ABCA3: variants seen among roughly 807,000 people sequenced by gnomAD.
ABCA3 encodes the protein ATP binding cassette subfamily A member 3.
Under a neutral mutation model 172.8 loss-of-function variants are expected in ABCA3, and 88 were observed. That is an observed-to-expected ratio of 0.51 (90% CI 0.43 to 0.61). ABCA3 has a LOEUF of 0.61. Ranked by LOEUF, ABCA3 falls within the 20% of genes least tolerant of loss-of-function variation. The pLI, the probability that ABCA3 is intolerant of heterozygous loss-of-function variation, is 0.00. For missense variants in ABCA3, 2,164 were observed against 2,301.0 expected (o/e 0.94, Z 1.22); for synonymous variants, 1,066 against 983.8 (o/e 1.08, Z -1.56).
rs773143245 is a variant in ABCA3 at position 2,311,710 on chromosome 16, C to T, written c.1112-3087G>A. Among the ~76,000 whole-genome samples the T allele has an allele frequency of 4.7e-4, 71 of 152,108 alleles. 1 individual carries two copies. Among genetic ancestry groups the T allele is most frequent in the Non-Finnish European group, 3.2e-4 (22 of 68,034 alleles). On this transcript the variant is annotated intron_variant, in intron 10 of 32. Transcript: ENST00000301732. ...CTAATTTTTGTATTTTTAATAGAGA[C>T]GGGGTTTCACCATCTTGGCCAGGCT... is the stretch of plus-strand genomic sequence containing the variant.
chr16:2,304,350 T>G (rs2141715856), intron 11 of ABCA3, among the ~76,000 whole-genome samples, 200 bp from the exon 12 acceptor site: 1 of 152,188 alleles, frequency 6.6e-6, no homozygotes, highest in South Asian at 2.1e-4. Context: ...ACAAAATAAT[T>G]AAGTCACAGA....
chr16:2,299,285 G>A, intron 14 of ABCA3, 118 bp downstream of exon 14: 1 of 1,432,614 alleles, frequency 7.0e-7, no homozygotes, highest in South Asian at 1.2e-5. Context: ...TGCATCTCCT[G>A]CCGCTGTGGT....
In ABCA3 at chr16:2,297,462, C is replaced by A. The variant is rs1208300153; in HGVS notation, c.2130G>T (p.Gln710His). 6.2e-7 allele frequency: 1 copy of A among 1,613,756 alleles called. No homozygotes were observed. Among genetic ancestry groups the A allele is most frequent in the Non-Finnish European group, 8.5e-7 (1 of 1,180,046 alleles). Residue 710 changes from glutamine (Q) to histidine (H), a missense_variant, in exon 17 of 33, where the codon CAG (glutamine) becomes CAT (histidine). Transcript: ENST00000301732. The surrounding 1 kb of genome is among the most constrained non-coding windows in gnomAD (Gnocchi z 5.6). ...TCAGCACGATGGTGCGGTCACTTTTCTGCCGCTGAAGAAGATCCCAGATGG... is the reference window on the plus strand; with the variant it reads ...TCAGCACGATGGTGCGGTCACTTTTATGCCGCTGAAGAAGATCCCAGATGG... ...RRAIWDLLQR[Q>H]KSDRTIVLTT...
At position 2,278,288 on chromosome 16, in the gene ABCA3, C is replaced by A; in HGVS notation, c.4718G>T (p.Ser1573Ile). Residue 1573 changes from serine to isoleucine, a missense_variant and splice_region_variant, in exon 30 of 33, where the codon AGC (serine) becomes ATC (isoleucine). By Grantham distance (142) the Ser-to-Ile change is moderately radical (BLOSUM62 -2). This residue lies in a region of ABCA3 where 795 missense variants were observed against 881.9 expected (regional missense o/e 0.90). Coordinates refer to ENST00000301732, the MANE Select transcript of ABCA3 (RefSeq NM_001089.3). This position sits in a 1 kb window ranked among gnomAD's most constrained non-coding sequence, Gnocchi z 4.4. ...SGKAIIITSH[S>I]MEECEALCTR... Reference sequence around the variant, plus strand: ...AGTAACCCACAGACCCAGGCTCTACCTGTGGGAGGTGATGATGATGGCCTT... The same window carrying A: ...AGTAACCCACAGACCCAGGCTCTACATGTGGGAGGTGATGATGATGGCCTT... The A allele has an allele frequency of 6.2e-7, 1 of 1,607,672 alleles. No homozygotes were observed. The highest frequency in any genetic ancestry group is 1.1e-5 in the South Asian group (1 of 91,078).
intron 11 of ABCA3, 99 bp from the exon 12 acceptor site, chr16:2,304,249 A>C: frequency 7.8e-7 from 1 of 1,277,986 alleles, no homozygotes; most frequent in South Asian, 1.2e-5. Flanking sequence ...TTGACCTTGC[A>C]TGGCCACTGC....
Position 2,277,855 on chromosome 16 carries a change from G to T in ABCA3, c.4909+24C>A, listed in dbSNP as rs2093648926. Reference sequence around the variant, plus strand: ...GTAGGGGCCCAGGGCCCACCCAGTGGGGGCTGCCGGGGCCGGCACACACCT... The same window carrying T: ...GTAGGGGCCCAGGGCCCACCCAGTGTGGGCTGCCGGGGCCGGCACACACCT... On this transcript the variant is annotated intron_variant, in intron 31 of 32. Coordinates refer to ENST00000301732, the MANE Select transcript of ABCA3 (RefSeq NM_001089.3). The surrounding 1 kb of genome is among the most constrained non-coding windows in gnomAD (Gnocchi z 5.3). The T allele has an allele frequency of 6.2e-7, 1 of 1,607,526 alleles. No individual in the cohort carries two copies. The highest frequency in any genetic ancestry group is 8.5e-7 in the Non-Finnish European group (1 of 1,179,512).
In ABCA3 at chr16:2,319,543, G is replaced by A. The variant is rs201779166; in HGVS notation, c.873+38C>T. The stretch of plus-strand genomic sequence containing the variant: ...GGACATGGCCTCCCCAGGACAGCGC[G>A]GTTTCTAGAGTGTTGGGGAGCCAAA... On this transcript the variant is annotated intron_variant, in intron 8 of 32. Coordinates refer to ENST00000301732, the MANE Select transcript of ABCA3 (RefSeq NM_001089.3). 3.5e-4 allele frequency: 560 copies of A among 1,604,000 alleles called. 1 individual carries two copies. The African/African-American group carries it at 4.5e-3, about 13-fold the overall frequency.
In ABCA3 at chr16:2,304,150, C is replaced by A. The variant is rs1435631764; in HGVS notation, c.1286G>T (p.Gly429Val). 2 of 1,614,120 alleles carry A rather than the reference C, an allele frequency of 1.2e-6. No homozygotes were observed. Among genetic ancestry groups the A allele is most frequent in the East Asian group, 2.2e-5 (1 of 44,872 alleles). ...AQLIGKFEAK[G>V]MGIQWRDLLS... is the part of the protein sequence containing the mutation. ...GAGGTCTCGCCACTGGATGCCCATG[C>A]CTGGAAGACACATCAGGAAAGTGGC... The change falls in exon 12 of 33, where the codon GGC becomes GTC. Residue 429 changes from glycine (G) to valine (V), a missense_variant and splice_region_variant. Coordinates refer to ENST00000301732, the MANE Select transcript of ABCA3 (RefSeq NM_001089.3).
At chr16:2,295,119 G>A (rs1171985523) in intron 18 of ABCA3, among the ~76,000 whole-genome samples, 1 of 152,220 alleles carries the variant, frequency 6.6e-6, no homozygotes, top group Non-Finnish European at 1.5e-5. Flanking sequence ...GATAGATAGT[G>A]TCATGGAACA....
intron 7 of ABCA3, among the ~76,000 whole-genome samples, chr16:2,322,459 A>G (rs1010643723): frequency 1.2e-4 from 18 of 151,332 alleles, no homozygotes; most frequent in Middle Eastern, 3.4e-3. Flanking sequence ...TACATGTGCC[A>G]TGCTGGTGTG....
intron 32 of ABCA3, 63 bp from the exon 33 acceptor site, chr16:2,276,868 G>A: frequency 6.2e-7 from 1 of 1,603,226 alleles, no homozygotes. Flanking sequence ...TGCGGGACCT[G>A]GGAGTCCTCT....
Position 2,276,800 on chromosome 16 carries a change from G to A in ABCA3, c.4989C>T (p.Phe1663=), listed in dbSNP as rs1273572317. ...TTTCCTTGGCTTTCTCCAGAATACCGAAAACCTTTGGGGAGCAGAAAAGTC... is the reference window on the plus strand; with the variant it reads ...TTTCCTTGGCTTTCTCCAGAATACCAAAAACCTTTGGGGAGCAGAAAAGTC... The part of the protein sequence containing the change: ...PGRDLSWAKV[F]GILEKAKEKY... Residue 1663 remains phenylalanine, a synonymous_variant, in exon 33 of 33, where the codon TTC becomes TTT. Transcript: ENST00000301732. 6 of 1,613,760 alleles carry A rather than the reference G, an allele frequency of 3.7e-6. No homozygotes were observed. Among genetic ancestry groups the A allele is most frequent in the East Asian group, 2.2e-5 (1 of 44,860 alleles).
rs780452483 is a variant in ABCA3, at chr16:2,319,697, C to A, written c.757G>T (p.Asp253Tyr). Residue 253 changes from aspartate to tyrosine, a missense_variant, in exon 8 of 33, where the codon GAC (aspartate) becomes TAC (tyrosine). Coordinates refer to ENST00000301732, the MANE Select transcript of ABCA3 (RefSeq NM_001089.3). ...TACTGGATGGCCACGAGGAAGGGGT[C>A]TGCGATGAACGGCGGGTACGGGAAC... is the stretch of plus-strand genomic sequence containing the variant. ...KRFPYPPFIA[D>Y]PFLVAIQYQL... The A allele has an allele frequency of 6.2e-7, 1 of 1,613,960 alleles. No homozygotes were observed. The highest frequency in any genetic ancestry group is 8.5e-7 in the Non-Finnish European group (1 of 1,180,014).
intron 19 of ABCA3, 65 bp from the exon 20 acceptor site, chr16:2,289,685 TG>T (rs1783414380): frequency 6.6e-7 from 1 of 1,517,068 alleles, no homozygotes; most frequent in African/African-American, 1.4e-5. Flanking sequence ...GGAGGGACTA[TG>T]GTTAGAGGCA....
At chr16:2,296,027 G>A (rs913159377) in intron 17 of ABCA3, among the ~76,000 whole-genome samples, 1 of 152,220 alleles carries the variant, frequency 6.6e-6, no homozygotes, top group Non-Finnish European at 1.5e-5. Flanking sequence ...AAGCACCAGG[G>A]AAGGATATCA....
intron 13 of ABCA3, 104 bp from the exon 14 acceptor site, chr16:2,299,636 T>G (rs2093685807): frequency 1.3e-6 from 2 of 1,555,802 alleles, no homozygotes; most frequent in African/African-American, 1.4e-5. Flanking sequence ...GAACCAAGCC[T>G]AGCGTCACCA....
In ABCA3 at chr16:2,277,788, G is replaced by A. The variant is rs1268172229; in HGVS notation, c.4909+91C>T. 5.0e-6 allele frequency: 8 copies of A among 1,591,314 alleles called. No homozygotes were observed. Among genetic ancestry groups the A allele is most frequent in the South Asian group, 4.5e-5 (4 of 89,266 alleles). On this transcript the variant is annotated intron_variant, in intron 31 of 32. Transcript: ENST00000301732. This position sits in a 1 kb window ranked among gnomAD's most constrained non-coding sequence, Gnocchi z 5.3. ...GATTGGGGAGATGGGACTTGGCGGGGCGAGGCACAGACGCTCCGCACAGCA... is the reference window on the plus strand; with the variant it reads ...GATTGGGGAGATGGGACTTGGCGGGACGAGGCACAGACGCTCCGCACAGCA...
chr16:2,315,839 C>CA (rs2093714485), intron 10 of ABCA3, among the ~76,000 whole-genome samples: 1 of 104,846 alleles, frequency 9.5e-6, no homozygotes, highest in Non-Finnish European at 1.9e-5. Context: ...AATTTTTAAA[C>CA]TTTTTTTTTT....
At position 2,332,745 on chromosome 16, in the gene ABCA3, CTTTA is replaced by C. The variant is rs2093745461; in HGVS notation, c.-538-2895_-538-2892del. 85 of 1,092,980 alleles carry C rather than the reference CTTTA, an allele frequency of 7.8e-5. No homozygotes were observed. In the South Asian group the frequency reaches 1.1e-3, roughly 14 times the overall value. The allele number at this position is 1,092,980 out of a possible 1,614,324, so 67.7% of individuals were successfully genotyped here. ...CCCGCACCGATTGCCTCCTCCATTT[CTTTA>C]TTTGTGGTTTGCAGGTATTTTTGTG... On this transcript the variant is annotated intron_variant, in intron 1 of 32. Transcript: ENST00000301732.
Sources: gnomAD v4.1 joint callset for allele counts (sites outside exome capture counted in the v4.1 genomes callset) on GRCh38, gnomAD v4.1.1 for gene constraint, gnomAD v4.1.1 regional missense constraint, Gnocchi (gnomAD v3.1) non-coding constraint, MANE v1.5 for transcripts, NCBI Gene and HGNC (gene_info 2026-07-23, HGNC 2026-07-21) for gene names.